DNAH17: variants seen among roughly 807,000 people sequenced by gnomAD.
DNAH17 encodes dynein axonemal heavy chain 17.
Under a neutral mutation model 485.6 loss-of-function variants are expected in DNAH17, and 376 were observed. The observed-to-expected ratio is 0.77, with a 90% confidence interval of 0.71 to 0.84. The LOEUF is 0.84. Among genes scored for constraint, DNAH17 ranks in the 40% least tolerant of loss-of-function variants. The pLI is 0.00. For synonymous variants in DNAH17, 3,031 were observed against 2,405.9 expected (o/e 1.26, Z -7.60); for missense variants, 6,370 against 5,839.3 (o/e 1.09, Z -2.96).
chr17:78,574,715 C>T lies in DNAH17; in HGVS notation c.343G>A (p.Glu115Lys), dbSNP rs914318256. The change falls in exon 2 of 81, where the codon GAG (glutamate) becomes AAG (lysine). Residue 115 changes from glutamate (E) to lysine (K), a missense_variant and splice_region_variant. By Grantham distance (56) the Glu-to-Lys change is moderately conservative (BLOSUM62 1). Coordinates refer to ENST00000389840, the MANE Select transcript of DNAH17 (RefSeq NM_173628.4). ...GATGGCAGCCTGGACGCACTCACCTCCTCCACCACCGCGATCAGCTGGTCC... is the reference window on the plus strand; with the variant it reads ...GATGGCAGCCTGGACGCACTCACCTTCTCCACCACCGCGATCAGCTGGTCC... ...PVDQLIAVVEEVLSSLLNQSE... is the reference protein window; with the variant it reads ...PVDQLIAVVEKVLSSLLNQSE... 1 of 1,599,276 alleles carries T rather than the reference C, an allele frequency of 6.3e-7. No homozygotes were observed. Among genetic ancestry groups the T allele is most frequent in the Non-Finnish European group, 8.5e-7 (1 of 1,170,760 alleles).
At chr17:78,470,181 C>T (rs980362965) in intron 54 of DNAH17, among the ~76,000 whole-genome samples, 10 of 139,748 alleles carry the variant, frequency 7.2e-5, no homozygotes, top group Non-Finnish European at 1.4e-4. Flanking sequence ...TCAAGGAGTT[C>T]TCCTGCCTCA....
chr17:78,537,573 G>A, intron 18 of DNAH17, 92 bp from the exon 19 acceptor site: 2 of 1,377,396 alleles, frequency 1.5e-6, no homozygotes, highest in Admixed American at 2.0e-5. Flanking sequence ...TACCATCAAT[G>A]TGTCACTGCC....
intron 16 of DNAH17, among the ~76,000 whole-genome samples, chr17:78,545,808 CACA>C (rs756701298): frequency 5.9e-5 from 9 of 152,084 alleles, no homozygotes; most frequent in Admixed American, 2.0e-4. Flanking sequence ...TCATTGGGAA[CACA>C]ACATTTTAGG....
chr17:78,435,069 C>G (rs556232308), intron 74 of DNAH17, among the ~76,000 whole-genome samples: 6 of 152,306 alleles, frequency 3.9e-5, no homozygotes, highest in African/African-American at 1.4e-4. Flanking sequence ...GCTGGGGTTC[C>G]ATCACTCGAG....
chr17:78,461,464 A>G, intron 58 of DNAH17, 80 bp downstream of exon 58: 1 of 1,376,312 alleles, frequency 7.3e-7, no homozygotes, highest in South Asian at 1.6e-5. Context: ...TGTCGGTGGC[A>G]CCTGACCACA....
rs773300562 is a variant in DNAH17, at chr17:78,485,046, G to A, written c.7484-13C>T. 4 of 1,590,078 alleles carry A rather than the reference G, an allele frequency of 2.5e-6. No individual in the cohort carries two copies. Among genetic ancestry groups the A allele is most frequent in the Middle Eastern group, 1.7e-4 (1 of 5,920 alleles). On this transcript the variant is annotated splice_polypyrimidine_tract_variant and intron_variant, in intron 47 of 80. Transcript: ENST00000389840. ...TTCTCCAGCACCCCTAGAGAGGGCAGAGGGTCAGCTGCCCGCCTGCGCCTC... is the reference window on the plus strand; with the variant it reads ...TTCTCCAGCACCCCTAGAGAGGGCAAAGGGTCAGCTGCCCGCCTGCGCCTC...
chr17:78,544,809 A>C (rs1415012194), intron 16 of DNAH17, among the ~76,000 whole-genome samples: 1 of 133,494 alleles, frequency 7.5e-6, no homozygotes. Flanking sequence ...TCAAAAAAAA[A>C]AAAAAAAAAA....
intron 14 of DNAH17, among the ~76,000 whole-genome samples, chr17:78,555,932 C>T (rs900061373): frequency 2.6e-5 from 4 of 152,246 alleles, no homozygotes; most frequent in Non-Finnish European, 5.9e-5. Flanking sequence ...TTTACACCAT[C>T]TGTTCCCCTA....
intron 41 of DNAH17, among the ~76,000 whole-genome samples, chr17:78,493,473 G>C (rs139449448): frequency 6.6e-6 from 1 of 152,250 alleles, no homozygotes; most frequent in African/African-American, 2.4e-5. Context: ...GACATTTCCT[G>C]TATGTGTATG....
chr17:78,450,303 A>G lies in DNAH17; in HGVS notation c.10991T>C (p.Ile3664Thr). The change falls in exon 68 of 81, where the codon ATA (isoleucine) becomes ACA (threonine). Residue 3664 changes from isoleucine to threonine, a missense_variant. Transcript: ENST00000389840. ...AAERASLLYF[I>T]LNDLNKINPV... ...GTTGATTTTGTTGAGATCGTTCAGT[A>G]TGAAGTAGAGCAGAGATGCCCTCTC... 1 of 1,614,026 alleles carries G rather than the reference A, an allele frequency of 6.2e-7. No individual in the cohort carries two copies. The highest frequency in any genetic ancestry group is 2.2e-5 in the East Asian group (1 of 44,878).
At chr17:78,575,486 C>A (rs1598757128) in intron 1 of DNAH17, among the ~76,000 whole-genome samples, 1 of 152,148 alleles carries the variant, frequency 6.6e-6, no homozygotes, top group East Asian at 1.9e-4. Flanking sequence ...CCTGGGAAAG[C>A]AATAAAAGAC....
chr17:78,542,123 C>CG (rs200500239), intron 17 of DNAH17, among the ~76,000 whole-genome samples: 1 of 150,234 alleles, frequency 6.7e-6, no homozygotes, highest in Non-Finnish European at 1.5e-5. Context: ...AACCGCCCCC[C>CG]CCAAAAACTG....
intron 14 of DNAH17, among the ~76,000 whole-genome samples, chr17:78,557,636 C>CCA (rs2092054422): frequency 3.4e-5 from 1 of 29,016 alleles, no homozygotes; most frequent in African/African-American, 9.6e-5. Flanking sequence ...GAGACTGTCT[C>CCA]AAAAAAAAAA....
chr17:78,568,017 G>T (rs1466100580), intron 9 of DNAH17, among the ~76,000 whole-genome samples: 1 of 152,114 alleles, frequency 6.6e-6, no homozygotes, highest in Non-Finnish European at 1.5e-5. Context: ...GAAGCATCAG[G>T]CCACGCACCA....
intron 48 of DNAH17, among the ~76,000 whole-genome samples, chr17:78,481,773 G>A (rs559363661): frequency 1.3e-5 from 2 of 152,238 alleles, no homozygotes; most frequent in Non-Finnish European, 2.9e-5. Context: ...CTAGCACTTT[G>A]GGAGGCTGAG....
intron 19 of DNAH17, among the ~76,000 whole-genome samples, chr17:78,536,692 A>G (rs2091383080): frequency 6.6e-6 from 1 of 151,924 alleles, no homozygotes; most frequent in Non-Finnish European, 1.5e-5. Context: ...AAAAAATTAC[A>G]GGACTGAGTG....
chr17:78,543,633 C>G, intron 17 of DNAH17: 1 of 633,476 alleles, frequency 1.6e-6, no homozygotes, highest in South Asian at 1.8e-5. Flanking sequence ...CCACGTTGGT[C>G]AAGCTGGTCT....
In DNAH17 at chr17:78,507,448, C is replaced by T; in HGVS notation, c.4584+10G>A. 3.1e-6 allele frequency: 5 copies of T among 1,612,596 alleles called. No homozygotes were observed. Among genetic ancestry groups the T allele is most frequent in the Non-Finnish European group, 4.2e-6 (5 of 1,178,628 alleles). On this transcript the variant is annotated intron_variant, in intron 28 of 80. Coordinates refer to ENST00000389840, the MANE Select transcript of DNAH17 (RefSeq NM_173628.4). Reference sequence around the variant, plus strand: ...TCTGAAGTGCGTGGGAACCACCGGGCTGTGCTCACCTTGAATTCCTGGTTG... The same window carrying T: ...TCTGAAGTGCGTGGGAACCACCGGGTTGTGCTCACCTTGAATTCCTGGTTG...
rs12942884 is a variant in DNAH17, at chr17:78,484,742, C to T, written c.7649+126G>A. The T allele has an allele frequency of 4.6e-5, 15 of 326,496 alleles. No individual in the cohort carries two copies. In the East Asian group the frequency reaches 9.6e-4, roughly 21 times the overall value. The allele number at this position is 326,496 out of a possible 1,614,324, so 20.2% of individuals were successfully genotyped here. Reference sequence around the variant, plus strand: ...GTCTCCCTACCCACGTTGCAGCACCCCCCCCACCGCCCCACACCAGTCCTG... The same window carrying T: ...GTCTCCCTACCCACGTTGCAGCACCTCCCCCACCGCCCCACACCAGTCCTG... On this transcript the variant is annotated intron_variant, in intron 48 of 80. Transcript: ENST00000389840.
Sources: gnomAD v4.1 joint callset for allele counts (sites outside exome capture counted in the v4.1 genomes callset) on GRCh38, gnomAD v4.1.1 for gene constraint, MANE v1.5 for transcripts, NCBI Gene and HGNC (gene_info 2026-07-23, HGNC 2026-07-21) for gene names.